MINDY2: variants seen among roughly 807,000 people sequenced by gnomAD.
MINDY2 encodes MINDY lysine 48 deubiquitinase 2.
A neutral mutation model predicts 68.2 loss-of-function variants in MINDY2; 52 were observed. That is an observed-to-expected ratio of 0.76 (90% CI 0.61 to 0.96). The LOEUF (loss-of-function observed/expected upper bound fraction) is 0.96, where lower values mean the gene tolerates loss of function less well. Ranked by LOEUF, MINDY2 falls within the 40% of genes least tolerant of loss-of-function variation. The pLI is 0.00. For synonymous variants in MINDY2, 372 were observed against 303.0 expected (o/e 1.23, Z -2.36); for missense variants, 881 against 773.4 (o/e 1.14, Z -1.65).
At chr15:58,850,543 C>G (rs574157223) in intron 7 of MINDY2, among the ~76,000 whole-genome samples, 1 of 152,224 alleles carries the variant, frequency 6.6e-6, no homozygotes, top group Middle Eastern at 3.4e-3. Flanking sequence ...AGGCATGTTT[C>G]TTTTGTAAAT....
chr15:58,824,098 A>G (rs1172590915), intron 5 of MINDY2, among the ~76,000 whole-genome samples: 2 of 152,238 alleles, frequency 1.3e-5, no homozygotes, highest in African/African-American at 2.4e-5. Context: ...CTTATGGAGT[A>G]TGAAGCTATG....
Position 58,771,853 on chromosome 15 carries a change from G to A in MINDY2, c.458G>A (p.Ser153Asn). 2 of 1,594,256 alleles carry A rather than the reference G, an allele frequency of 1.3e-6. No homozygotes were observed. The highest frequency in any genetic ancestry group is 1.7e-6 in the Non-Finnish European group (2 of 1,170,866). Residue 153 changes from serine (S) to asparagine (N), a missense_variant, in exon 1 of 9, where the codon AGC becomes AAC. Transcript: ENST00000559228. Reference sequence around the variant, plus strand: ...GCCGCCGGCTCCGAAGAGCCCAGCAGCGCCGGCGGCCTCAGCAGCAGTTGC... The same window carrying A: ...GCCGCCGGCTCCGAAGAGCCCAGCAACGCCGGCGGCCTCAGCAGCAGTTGC... ...LTAAGSEEPS[S>N]AGGLSSSCSD...
rs1463224947 is a variant in MINDY2, at chr15:58,787,902, T to C, written c.841-4T>C. 1.3e-6 allele frequency: 2 copies of C among 1,583,100 alleles called. No homozygotes were observed. The highest frequency in any genetic ancestry group is 1.2e-5 in the South Asian group (1 of 85,588). On this transcript the variant is annotated splice_region_variant and splice_polypyrimidine_tract_variant and intron_variant, in intron 1 of 8. Coordinates refer to ENST00000559228, the MANE Select transcript of MINDY2 (RefSeq NM_001040450.3). Reference sequence around the variant, plus strand: ...TTTTATAGAAATAATATTTTGTTTTTCAGGTGAAACTTCCACCGATGATGG... The same window carrying C: ...TTTTATAGAAATAATATTTTGTTTTCCAGGTGAAACTTCCACCGATGATGG...
At chr15:58,842,669 G>C (rs2032338573) in intron 6 of MINDY2, among the ~76,000 whole-genome samples, 1 of 152,160 alleles carries the variant, frequency 6.6e-6, no homozygotes, top group Non-Finnish European at 1.5e-5. Context: ...CACAGAAATT[G>C]AGATCGATTT....
intron 4 of MINDY2, among the ~76,000 whole-genome samples, chr15:58,811,077 G>C (rs771931576): frequency 6.6e-6 from 1 of 152,218 alleles, no homozygotes; most frequent in Non-Finnish European, 1.5e-5. Context: ...TAAACTGCAG[G>C]TGTGGCCCAA....
At chr15:58,830,903 G>A (rs1369490997) in intron 5 of MINDY2, among the ~76,000 whole-genome samples, 1 of 151,944 alleles carries the variant, frequency 6.6e-6, no homozygotes, top group Non-Finnish European at 1.5e-5. Context: ...CCACAAACAA[G>A]CATGAAAATG....
At position 58,837,946 on chromosome 15, in the gene MINDY2, A is replaced by C. The variant is rs868158595; in HGVS notation, c.1368+6030A>C. On this transcript the variant is annotated intron_variant, in intron 6 of 8. Transcript: ENST00000559228. ...ATCATGCCACTGCACTCCAACCTGGATGACAGAGTAAGACCTTCTTTCAAA... is the reference window on the plus strand; with the variant it reads ...ATCATGCCACTGCACTCCAACCTGGCTGACAGAGTAAGACCTTCTTTCAAA... 2.8e-4 allele frequency among the ~76,000 whole-genome samples: 39 copies of C among 137,314 alleles called. 1 individual carries two copies. The highest frequency in any genetic ancestry group is 3.9e-3 in the Middle Eastern group (1 of 256). 90.1% of individuals were successfully genotyped at this position (137,314 alleles called of 152,430 possible). A position where few individuals can be genotyped will look rare whatever the true frequency, so the allele number is the denominator to read the frequency against.
intron 6 of MINDY2, among the ~76,000 whole-genome samples, chr15:58,844,919 T>C (rs1305502237): frequency 4.6e-4 from 31 of 67,820 alleles, no homozygotes; most frequent in Non-Finnish European, 6.7e-4. Context: ...AGACCCTGCC[T>C]AAAAAAAAAA....
intron 6 of MINDY2, among the ~76,000 whole-genome samples, chr15:58,837,194 CCTA>C (rs1310344525): frequency 1.3e-5 from 2 of 152,144 alleles, no homozygotes; most frequent in Non-Finnish European, 2.9e-5. Flanking sequence ...ATTATTCTCT[CCTA>C]CTAATTCCTG....
At chr15:58,826,388 C>G (rs1366099017) in intron 5 of MINDY2, among the ~76,000 whole-genome samples, 1 of 151,998 alleles carries the variant, frequency 6.6e-6, no homozygotes, top group Non-Finnish European at 1.5e-5. Context: ...CGCCACCACA[C>G]CTGGCTAATT....
intron 4 of MINDY2, among the ~76,000 whole-genome samples, chr15:58,812,151 G>T (rs1245462426): frequency 1.3e-5 from 2 of 152,160 alleles, no homozygotes; most frequent in East Asian, 3.9e-4. Context: ...AAATAATAAA[G>T]AACAGTCTGG....
chr15:58,793,280 G>A (rs1407660740), intron 2 of MINDY2, among the ~76,000 whole-genome samples: 7 of 151,996 alleles, frequency 4.6e-5, no homozygotes, highest in African/African-American at 9.6e-5. Flanking sequence ...GCAAAACCCC[G>A]TCTCTACTAA....
chr15:58,803,194 T>G (rs1014393005), intron 3 of MINDY2, among the ~76,000 whole-genome samples: 1 of 152,100 alleles, frequency 6.6e-6, no homozygotes, highest in Non-Finnish European at 1.5e-5. Flanking sequence ...TGGCTGGGCG[T>G]GGTGGCTCAA....
chr15:58,797,478 A>C (rs1346066654), intron 2 of MINDY2, among the ~76,000 whole-genome samples: 1 of 152,228 alleles, frequency 6.6e-6, no homozygotes, highest in East Asian at 1.9e-4. Flanking sequence ...ACTGTACTCC[A>C]GCCTGGGTGA....
At chr15:58,802,773 G>T (rs192431261) in intron 3 of MINDY2, among the ~76,000 whole-genome samples, 1 of 152,244 alleles carries the variant, frequency 6.6e-6, no homozygotes, top group East Asian at 1.9e-4. Flanking sequence ...TTGAACAAAT[G>T]ATGTATATGG....
At chr15:58,830,301 AACAC>A (rs1169525983) in intron 5 of MINDY2, among the ~76,000 whole-genome samples, 1 of 152,182 alleles carries the variant, frequency 6.6e-6, no homozygotes, top group Non-Finnish European at 1.5e-5. Context: ...GTTTCTGTTA[AACAC>A]ACCTTATTTA....
chr15:58,814,102 G>A (rs1369446735), intron 4 of MINDY2, among the ~76,000 whole-genome samples: 1 of 151,340 alleles, frequency 6.6e-6, no homozygotes, highest in Non-Finnish European at 1.5e-5. Flanking sequence ...CATGCCCAGT[G>A]AATTTTTTTG....
intron 1 of MINDY2, among the ~76,000 whole-genome samples, chr15:58,780,202 T>A (rs1901042945): frequency 6.6e-6 from 1 of 151,994 alleles, no homozygotes; most frequent in Non-Finnish European, 1.5e-5. Flanking sequence ...GTCAGGAGTT[T>A]GAGACCAGCC....
At chr15:58,799,316 C>G (rs901004518) in intron 2 of MINDY2, among the ~76,000 whole-genome samples, 1 of 152,144 alleles carries the variant, frequency 6.6e-6, no homozygotes, top group African/African-American at 2.4e-5. Flanking sequence ...GCCTGTAATC[C>G]CAGCACTTTG....
Sources: allele counts gnomAD v4.1 joint callset (sites outside exome capture counted in the v4.1 genomes callset), GRCh38; gene constraint gnomAD v4.1.1; transcripts MANE v1.5; gene names NCBI Gene and HGNC (gene_info 2026-07-23, HGNC 2026-07-21).